OFD1: variants seen among roughly 807,000 people sequenced by gnomAD.
The protein encoded by OFD1 is centriole and centriolar satellite protein OFD1.
A neutral mutation model predicts 81.4 loss-of-function variants in OFD1; 12 were observed. The observed-to-expected ratio is 0.15, with a 90% confidence interval of 0.09 to 0.24. OFD1 has a LOEUF of 0.24. Ranked by LOEUF, OFD1 falls within the 10% of genes least tolerant of loss-of-function variation. OFD1 has a pLI of 1.00. For missense variants in OFD1, 685 were observed against 733.9 expected, an observed-to-expected ratio of 0.93 and a Z score of 0.77; for synonymous variants, 256 against 263.7, an observed-to-expected ratio of 0.97 and a Z score of 0.28.
At chrX:13,746,008 C>CTCT (rs778233100) in intron 6 of OFD1, among the ~76,000 whole-genome samples, 65 of 112,379 alleles carry the variant, frequency 5.8e-4, no homozygotes, top group South Asian at 3.7e-3. Flanking sequence ...TTAAACTGTA[C>CTCT]TCTTGGCTTT....
intron 5 of OFD1, chrX:13,739,296 CAA>C (rs751700372): frequency 0.022 from 2,437 of 109,298 alleles, no homozygotes; most frequent in East Asian, 0.031. Context: ...AATATTTCTG[CAA>C]AAAAAAAAAA....
In OFD1 at chrX:13,763,767, G is replaced by A; in HGVS notation, c.2511G>A (p.Gln837=). The A allele has an allele frequency of 8.3e-7, 1 of 1,211,210 alleles. No individual in the cohort carries two copies. The highest frequency in any genetic ancestry group is 1.1e-6 in the Non-Finnish European group (1 of 895,064). ...CAGCTGCAGGGAACATGCCAAGGCA[G>A]TTGGAAATGGGCGGGCTTTCTCCTG... ...SFESAGNMPR[Q]LEMGGLSPAG... is the part of the protein sequence containing the mutation. Residue 837 remains glutamine, a synonymous_variant, in exon 19 of 23, where the codon CAG becomes CAA. Coordinates refer to ENST00000340096, the MANE Select transcript of OFD1 (RefSeq NM_003611.3).
At position 13,741,512 on chromosome X, in the gene OFD1, A is replaced by G. The variant is rs906116155; in HGVS notation, c.412+2480A>G. On this transcript the variant is annotated intron_variant, in intron 5 of 22. Transcript: ENST00000340096. ...GAATGGCCTTGGTACTTTTCCTCCTAGATTCTAGTCACCCATTCTTCCCAC... is the reference window on the plus strand; with the variant it reads ...GAATGGCCTTGGTACTTTTCCTCCTGGATTCTAGTCACCCATTCTTCCCAC... 3.6e-5 allele frequency among the ~76,000 whole-genome samples: 4 copies of G among 111,648 alleles called. No individual in the cohort carries two copies. The Admixed American group carries it at 3.8e-4, about 11-fold the overall frequency.
chrX:13,736,721 G>T (rs752060385), intron 3 of OFD1, 43 bp downstream of exon 3: 2 of 1,028,983 alleles, frequency 1.9e-6, no homozygotes, highest in East Asian at 3.0e-5. Context: ...TTATTAACAG[G>T]TTCTTCCTCT....
chrX:13,749,682 C>A lies in OFD1; in HGVS notation c.935+149C>A. ...CCTAGAAGGTACAAATTAAGAGGAA[C>A]AAACACTAGGGTTTTGTTTTTGAAA... On this transcript the variant is annotated intron_variant, in intron 9 of 22. Coordinates refer to ENST00000340096, the MANE Select transcript of OFD1 (RefSeq NM_003611.3). 6.5e-6 allele frequency: 3 copies of A among 459,951 alleles called. No individual in the cohort carries two copies. The South Asian group carries it at 1.0e-4, about 15-fold the overall frequency. The allele number at this position is 459,951 out of a possible 1,213,427, so 37.9% of individuals were successfully genotyped here. A position where few individuals can be genotyped will look rare whatever the true frequency, so the allele number is the denominator to read the frequency against.
At chrX:13,722,208 C>CAAAAAAA in the OFD1 span, 2 of 36,116 alleles carry the variant, frequency 5.5e-5, no homozygotes, top group Non-Finnish European at 1.0e-4. Context: ...TAAGCAGCAG[C>CAAAAAAA]AAAAAAAAAA....
At chrX:13,758,159 CTTGT>C (rs2047782953) in intron 14 of OFD1, among the ~76,000 whole-genome samples, 174 bp from the exon 15 acceptor site, 1 of 110,626 alleles carries the variant, frequency 9.0e-6, no homozygotes, top group African/African-American at 3.3e-5. Context: ...TGGTGAAGAA[CTTGT>C]TTGTGTGTTC....
At chrX:13,751,978 A>G (rs887038549) in intron 10 of OFD1, among the ~76,000 whole-genome samples, 2 of 112,306 alleles carry the variant, frequency 1.8e-5, no homozygotes, top group Non-Finnish European at 3.8e-5. Flanking sequence ...GATAAGCTGT[A>G]AAATTGGAAT....
intron 15 of OFD1, 119 bp downstream of exon 15, chrX:13,758,567 AAT>A: frequency 2.1e-6 from 1 of 472,525 alleles, no homozygotes; most frequent in East Asian, 3.8e-5. Flanking sequence ...AAGCCATAGA[AAT>A]ATGTGTCATC....
chrX:13,741,660 G>A (rs964003473), intron 5 of OFD1, among the ~76,000 whole-genome samples: 1 of 112,218 alleles, frequency 8.9e-6, no homozygotes, highest in Non-Finnish European at 1.9e-5. Flanking sequence ...GGTTGAGTCC[G>A]AAAAGAGAGT....
chrX:13,733,629 A>T (rs546620574), upstream of OFD1, among the ~76,000 whole-genome samples: 7 of 112,451 alleles, frequency 6.2e-5, no homozygotes, highest in South Asian at 2.6e-3. Flanking sequence ...TCAATGCTGT[A>T]CACAAAGCTG....
intron 18 of OFD1, among the ~76,000 whole-genome samples, chrX:13,763,464 G>A (rs776283012): frequency 8.9e-6 from 1 of 112,755 alleles, no homozygotes; most frequent in African/African-American, 3.2e-5. Flanking sequence ...TGATCAGCAA[G>A]CCAATTGAAT....
intron 9 of OFD1, 29 bp downstream of exon 9, chrX:13,749,562 T>C: frequency 1.1e-6 from 1 of 873,714 alleles, no homozygotes; most frequent in Non-Finnish European, 1.7e-6. Flanking sequence ...TTTTGGATAT[T>C]CAGAATGATG....
intron 5 of OFD1, chrX:13,740,209 G>A (rs948810610): frequency 8.6e-6 from 8 of 931,939 alleles, no homozygotes; most frequent in Non-Finnish European, 1.1e-5. Flanking sequence ...CTGAAGTTCA[G>A]TATGGTAAAT....
At chrX:13,737,964 C>A (rs745830951) in intron 3 of OFD1, among the ~76,000 whole-genome samples, 2 of 111,151 alleles carry the variant, frequency 1.8e-5, no homozygotes, top group African/African-American at 6.6e-5. Context: ...ATTCTCCTGC[C>A]TCAGCCTCCC....
At chrX:13,737,608 G>C (rs958307337) in intron 3 of OFD1, among the ~76,000 whole-genome samples, 1 of 109,619 alleles carries the variant, frequency 9.1e-6, no homozygotes, top group Middle Eastern at 4.3e-3. Flanking sequence ...GCAGTGAGCC[G>C]AGATCATGCC....
intron 5 of OFD1, chrX:13,740,260 C>G (rs1276637733): frequency 4.3e-5 from 30 of 697,662 alleles, no homozygotes; most frequent in Middle Eastern, 7.0e-4. Flanking sequence ...CAGTGTGACT[C>G]TCTGTGATTA....
At chrX:13,720,572 T>C in the OFD1 span, 1 of 112,556 alleles carries the variant, frequency 8.9e-6, no homozygotes, top group Non-Finnish European at 1.9e-5. Context: ...ACTTGAAGTA[T>C]GTGTGCTATA....
the OFD1 span, among the ~76,000 whole-genome samples, chrX:13,726,306 G>C: frequency 9.0e-6 from 1 of 111,583 alleles, no homozygotes; most frequent in Non-Finnish European, 1.9e-5. Context: ...ACACGTAATT[G>C]TCAGATTCAC....
Sources: gnomAD v4.1 joint callset for allele counts (sites outside exome capture counted in the v4.1 genomes callset) on GRCh38, gnomAD v4.1.1 for gene constraint, MANE v1.5 for transcripts, NCBI Gene and HGNC (gene_info 2026-07-23, HGNC 2026-07-21) for gene names.